Variants in KLF12 observed in about 807,000 individuals in gnomAD.
KLF12 encodes the protein Krueppel-like factor 12.
KLF12 carries 9 observed loss-of-function variants against 37.8 expected under a neutral mutation model. That is an observed-to-expected ratio of 0.24 (90% CI 0.14 to 0.42). The LOEUF is 0.42. Ranked by LOEUF, KLF12 falls within the 10% of genes least tolerant of loss-of-function variation. KLF12 has a pLI of 1.00. For synonymous variants in KLF12, 208 were observed against 202.1 expected, an observed-to-expected ratio of 1.03 and a Z score of -0.25; for missense variants, 411 against 516.0, an observed-to-expected ratio of 0.80 and a Z score of 1.97.
intron 1 of KLF12, among the ~76,000 whole-genome samples, chr13:74,016,981 T>C (rs1892702436): frequency 6.6e-6 from 1 of 151,876 alleles, no homozygotes; most frequent in Non-Finnish European, 1.5e-5. Flanking sequence ...ACCCCCAAAA[T>C]AATGTTGAGC....
chr13:73,846,282 A>G lies in KLF12; in HGVS notation c.215T>C (p.Val72Ala), dbSNP rs1345445166. 1 of 1,614,148 alleles carries G rather than the reference A, an allele frequency of 6.2e-7. No individual in the cohort carries two copies. The highest frequency in any genetic ancestry group is 1.7e-5 in the Admixed American group (1 of 60,022). The change falls in exon 4 of 8, where the codon GTA (valine) becomes GCA (alanine). Residue 72 changes from valine (V) to alanine (A), a missense_variant. Val to Ala is a moderately conservative substitution (Grantham distance 64). This residue lies in a region of KLF12 where 351 missense variants were observed against 397.8 expected (regional missense o/e 0.88). Transcript: ENST00000377669. ...CTCAGTTTGTGTTTGGAAGTGATCT[A>G]CAGATAACGAGTCCTCCGGGGGCTC... is the stretch of plus-strand genomic sequence containing the variant.
chr13:74,233,708 G>C, the KLF12 span, among the ~76,000 whole-genome samples: 16 of 152,218 alleles, frequency 1.1e-4, no homozygotes, highest in African/African-American at 2.9e-4. Flanking sequence ...TAGAATTAAA[G>C]AGCAGAGGGT....
chr13:73,827,291 C>T (rs1016739535), intron 4 of KLF12, among the ~76,000 whole-genome samples: 6 of 152,144 alleles, frequency 3.9e-5, no homozygotes, highest in African/African-American at 1.2e-4. Flanking sequence ...CTGAGAATTA[C>T]GGGGTGCCCA....
intron 6 of KLF12, among the ~76,000 whole-genome samples, chr13:73,724,026 A>T (rs1189926286): frequency 6.6e-6 from 1 of 152,198 alleles, no homozygotes; most frequent in Non-Finnish European, 1.5e-5. Context: ...TTGACCCAGC[A>T]ATACCATTTC....
At chr13:73,955,652 T>C (rs1161761003) in intron 2 of KLF12, among the ~76,000 whole-genome samples, 2 of 152,228 alleles carry the variant, frequency 1.3e-5, no homozygotes, top group East Asian at 3.8e-4. Flanking sequence ...CTGGTTCTCC[T>C]TTATGTGATT....
chr13:73,725,678 T>C (rs1411201710), intron 6 of KLF12, among the ~76,000 whole-genome samples: 1 of 151,740 alleles, frequency 6.6e-6, no homozygotes, highest in Non-Finnish European at 1.5e-5. Context: ...TGGTCAAATA[T>C]CACTATTCCA....
Position 73,779,769 on chromosome 13 carries a change from G to A in KLF12, c.807-14769C>T, listed in dbSNP as rs79963393. On this transcript the variant is annotated intron_variant, in intron 5 of 7. Transcript: ENST00000377669. ...ACAGAGCCCTTGAGCTGTGGCATCT[G>A]TGCTAACTGCATAGCTAGCATTAGA... Among the ~76,000 whole-genome samples, 9 of 152,340 alleles carry A rather than the reference G, an allele frequency of 5.9e-5. No homozygotes were observed. The East Asian group carries it at 1.7e-3, about 29-fold the overall frequency.
At chr13:73,841,506 G>A (rs1015341138) in intron 4 of KLF12, among the ~76,000 whole-genome samples, 3 of 152,134 alleles carry the variant, frequency 2.0e-5, no homozygotes, top group Non-Finnish European at 4.4e-5. Context: ...CACAGCTGCG[G>A]GTTGGGCAAG....
the KLF12 span, among the ~76,000 whole-genome samples, chr13:74,202,117 T>G: frequency 2.6e-5 from 4 of 152,136 alleles, no homozygotes; most frequent in African/African-American, 9.7e-5. Flanking sequence ...AAAATACAAA[T>G]AATTTGAAAG....
At chr13:74,262,899 A>G in the KLF12 span, among the ~76,000 whole-genome samples, 1 of 152,196 alleles carries the variant, frequency 6.6e-6, no homozygotes, top group African/African-American at 2.4e-5. Flanking sequence ...TTATTGACAA[A>G]TATGCATTCG....
At chr13:74,015,508 G>A (rs1892665376) in intron 1 of KLF12, among the ~76,000 whole-genome samples, 2 of 152,060 alleles carry the variant, frequency 1.3e-5, no homozygotes, top group Admixed American at 1.3e-4. Flanking sequence ...CCACCCTAGT[G>A]CGCCCATGAG....
intron 2 of KLF12, among the ~76,000 whole-genome samples, chr13:73,973,603 A>G (rs1891408299): frequency 7.0e-6 from 1 of 143,448 alleles, no homozygotes; most frequent in African/African-American, 2.6e-5. Flanking sequence ...GGTCTCAACT[A>G]TAGTATGAAA....
intron 2 of KLF12, among the ~76,000 whole-genome samples, chr13:73,950,605 G>A (rs1377206095): frequency 6.6e-6 from 1 of 152,142 alleles, no homozygotes; most frequent in Admixed American, 6.6e-5. Flanking sequence ...CCACAGTCAT[G>A]AACCATGGAT....
chr13:73,936,771 C>T (rs143946964), intron 3 of KLF12, among the ~76,000 whole-genome samples: 2 of 152,260 alleles, frequency 1.3e-5, no homozygotes, highest in East Asian at 1.9e-4. Context: ...CAAGGACCAT[C>T]GCTTGTTGTC....
chr13:73,914,821 T>C (rs1056807250), intron 3 of KLF12, among the ~76,000 whole-genome samples: 2 of 152,210 alleles, frequency 1.3e-5, no homozygotes, highest in Non-Finnish European at 2.9e-5. Flanking sequence ...TCTTTTTTTT[T>C]CCTTTTGGGA....
chr13:73,902,889 T>C (rs192907128), intron 3 of KLF12, among the ~76,000 whole-genome samples: 32 of 152,204 alleles, frequency 2.1e-4, no homozygotes, highest in African/African-American at 7.2e-4. Flanking sequence ...CTAAAAAAAA[T>C]TCTGTCCAGC....
At position 73,907,018 on chromosome 13, in the gene KLF12, A is replaced by G. The variant is rs17287346; in HGVS notation, c.123+36963T>C. 5.3e-3 allele frequency among the ~76,000 whole-genome samples: 802 copies of G among 152,248 alleles called. 1 individual carries two copies. The highest frequency in any genetic ancestry group is 9.2e-3 in the Admixed American group (140 of 15,290). On this transcript the variant is annotated intron_variant, in intron 3 of 7. Coordinates refer to ENST00000377669, the MANE Select transcript of KLF12 (RefSeq NM_007249.5). ...GCTCTGATTAGGGCTCATCTGTTCTATTTTGGTAAGGGGGACAGTAGAAGC... is the reference window on the plus strand; with the variant it reads ...GCTCTGATTAGGGCTCATCTGTTCTGTTTTGGTAAGGGGGACAGTAGAAGC...
rs181618319 is a variant in KLF12 at position 73,991,000 on chromosome 13, G to C, written c.33+3990C>G. Among the ~76,000 whole-genome samples, 268 of 152,142 alleles carry C rather than the reference G, an allele frequency of 1.8e-3. 1 individual carries two copies. Among genetic ancestry groups the C allele is most frequent in the Admixed American group, 4.4e-3 (67 of 15,286 alleles). ...CTTTAATGGTTTTAAAATGAGCAACGCATCATCTTTTCAAATAATGAAGCT... is the reference window on the plus strand; with the variant it reads ...CTTTAATGGTTTTAAAATGAGCAACCCATCATCTTTTCAAATAATGAAGCT... On this transcript the variant is annotated intron_variant, in intron 2 of 7. Coordinates refer to ENST00000377669, the MANE Select transcript of KLF12 (RefSeq NM_007249.5).
chr13:73,922,261 C>T (rs936832929), intron 3 of KLF12, among the ~76,000 whole-genome samples: 3 of 152,008 alleles, frequency 2.0e-5, no homozygotes, highest in East Asian at 3.9e-4. Context: ...ACCAAAGTGG[C>T]GTTTGCTTTT....
Sources: allele counts gnomAD v4.1 joint callset (sites outside exome capture counted in the v4.1 genomes callset), GRCh38; gene constraint gnomAD v4.1.1; regional missense constraint gnomAD v4.1.1; transcripts MANE v1.5; gene names NCBI Gene and HGNC (gene_info 2026-07-23, HGNC 2026-07-21).